The following RHOJ variants were observed in gnomAD, a reference collection of about 807,000 sequenced individuals.
RHOJ encodes the protein rho-related GTP-binding protein RhoJ.
A neutral mutation model predicts 23.4 loss-of-function variants in RHOJ; 11 were observed. The observed-to-expected ratio is 0.47, with a 90% CI of 0.30 to 0.78. RHOJ has a LOEUF of 0.78. Among genes scored for constraint, RHOJ ranks in the 30% least tolerant of loss-of-function variants. RHOJ has a pLI of 0.08. For missense variants in RHOJ, 254 were observed against 273.4 expected, an observed-to-expected ratio of 0.93 and a Z score of 0.50; for synonymous variants, 102 against 102.7, an observed-to-expected ratio of 0.99 and a Z score of 0.04.
chr14:63,220,785 T>G (rs530670557), intron 1 of RHOJ, among the ~76,000 whole-genome samples: 1 of 152,316 alleles, frequency 6.6e-6, no homozygotes, highest in South Asian at 2.1e-4. Flanking sequence ...AAGATCAAAG[T>G]GTTCCCTGGA....
intron 1 of RHOJ, among the ~76,000 whole-genome samples, chr14:63,234,914 G>C (rs184870484): frequency 3.3e-5 from 5 of 152,142 alleles, no homozygotes; most frequent in Non-Finnish European, 5.9e-5. Flanking sequence ...ATGGTGCCCC[G>C]TTAAAGAAAT....
At chr14:63,219,122 A>G (rs910856243) in intron 1 of RHOJ, among the ~76,000 whole-genome samples, 7 of 152,182 alleles carry the variant, frequency 4.6e-5, no homozygotes, top group Non-Finnish European at 1.0e-4. Flanking sequence ...GTTCCCTGTG[A>G]AATGAGGAAG....
intron 1 of RHOJ, among the ~76,000 whole-genome samples, chr14:63,225,043 T>C (rs2031231): frequency 0.83 from 125,716 of 150,844 alleles, 53,378 homozygotes; most frequent in Middle Eastern, 0.96. Context: ...AGCTCCGCCT[T>C]CCGGTTCACG....
chr14:63,233,497 T>C (rs1011611054), intron 1 of RHOJ, among the ~76,000 whole-genome samples: 8 of 152,222 alleles, frequency 5.3e-5, no homozygotes, highest in Admixed American at 3.3e-4. Context: ...AAGACAGTAA[T>C]ATGATGCCTT....
At chr14:63,234,583 G>T (rs1422712613) in intron 1 of RHOJ, among the ~76,000 whole-genome samples, 1 of 152,152 alleles carries the variant, frequency 6.6e-6, no homozygotes, top group African/African-American at 2.4e-5. Flanking sequence ...TTTTGTGGTT[G>T]TTCAGATCTA....
intron 1 of RHOJ, among the ~76,000 whole-genome samples, chr14:63,239,009 A>G (rs1029177567): frequency 6.6e-6 from 1 of 152,220 alleles, no homozygotes; most frequent in Non-Finnish European, 1.5e-5. Context: ...TAGGCTGGAA[A>G]GTGGGGGCCC....
chr14:63,266,986 CT>C (rs1340941111), intron 1 of RHOJ, among the ~76,000 whole-genome samples: 18 of 152,330 alleles, frequency 1.2e-4, no homozygotes, highest in African/African-American at 4.3e-4. Context: ...CACACTACCC[CT>C]GACACAGCTC....
At chr14:63,252,642 A>ACTAT (rs1895092426) in intron 1 of RHOJ, among the ~76,000 whole-genome samples, 1 of 152,090 alleles carries the variant, frequency 6.6e-6, no homozygotes, top group African/African-American at 2.4e-5. Flanking sequence ...AGAATTTACT[A>ACTAT]CTATCTTTGT....
At chr14:63,230,604 T>A (rs1248053037) in intron 1 of RHOJ, among the ~76,000 whole-genome samples, 1 of 152,038 alleles carries the variant, frequency 6.6e-6, no homozygotes, top group Non-Finnish European at 1.5e-5. Flanking sequence ...TCCCTAATCA[T>A]GCTGTATAAA....
At chr14:63,271,641 C>A (rs1895471849) in intron 2 of RHOJ, among the ~76,000 whole-genome samples, 1 of 152,228 alleles carries the variant, frequency 6.6e-6, no homozygotes, top group Admixed American at 6.5e-5. Context: ...ATCACCCAGG[C>A]TAGAGCGCAG....
At chr14:63,232,080 ATGAT>A (rs1213485542) in intron 1 of RHOJ, among the ~76,000 whole-genome samples, 1 of 152,174 alleles carries the variant, frequency 6.6e-6, no homozygotes, top group Non-Finnish European at 1.5e-5. Flanking sequence ...GAGGCAGGGA[ATGAT>A]GCGACATGAC....
At chr14:63,243,028 T>C (rs1211661432) in intron 1 of RHOJ, among the ~76,000 whole-genome samples, 1 of 152,196 alleles carries the variant, frequency 6.6e-6, no homozygotes, top group East Asian at 1.9e-4. Context: ...CAATGCATAT[T>C]GTAGGCATAG....
At chr14:63,257,663 C>T (rs1895194933) in intron 1 of RHOJ, among the ~76,000 whole-genome samples, 1 of 149,544 alleles carries the variant, frequency 6.7e-6, no homozygotes, top group African/African-American at 2.5e-5. Context: ...ATTCCTTCCC[C>T]ACCCACCCCA....
intron 1 of RHOJ, among the ~76,000 whole-genome samples, chr14:63,239,446 A>G (rs1894847224): frequency 6.6e-6 from 1 of 152,212 alleles, no homozygotes; most frequent in South Asian, 2.1e-4. Context: ...TGAAATGAGC[A>G]TTCAGACAAC....
chr14:63,237,094 T>A (rs1894804069), intron 1 of RHOJ, among the ~76,000 whole-genome samples: 1 of 152,184 alleles, frequency 6.6e-6, no homozygotes, highest in Admixed American at 6.5e-5. Flanking sequence ...AATCCATGGA[T>A]GCAGAACCCA....
chr14:63,287,304 G>C lies in RHOJ; in HGVS notation c.499-3574G>C, dbSNP rs558750206. On this transcript the variant is annotated intron_variant, in intron 4 of 4. Transcript: ENST00000316754. Reference sequence around the variant, plus strand: ...TCTTAGTTGTGTGGCCATAAGGGAGGTTACTTAGCCTCTCTGGGTATCAGT... The same window carrying C: ...TCTTAGTTGTGTGGCCATAAGGGAGCTTACTTAGCCTCTCTGGGTATCAGT... Among the ~76,000 whole-genome samples the C allele has an allele frequency of 1.2e-4, 18 of 152,314 alleles. 1 individual carries two copies. The South Asian group carries it at 3.5e-3, about 30-fold the overall frequency.
rs1039897347 is a variant in RHOJ at position 63,204,990 on chromosome 14, T to C, written c.121T>C (p.Tyr41His). The C allele has an allele frequency of 1.2e-6, 2 of 1,614,186 alleles. No individual in the cohort carries two copies. Among genetic ancestry groups the C allele is most frequent in the South Asian group, 1.1e-5 (1 of 91,082 alleles). The change falls in exon 1 of 5, where the codon TAC (tyrosine) becomes CAC (histidine). Residue 41 changes from tyrosine to histidine, a missense_variant. Coordinates refer to ENST00000316754, the MANE Select transcript of RHOJ (RefSeq NM_020663.5). ...AVGKTCLLMS[Y>H]ANDAFPEEYV... Reference sequence around the variant, plus strand: ...GGGGAAAACCTGCCTGCTGATGAGCTACGCCAACGACGCCTTCCCAGAGGA... The same window carrying C: ...GGGGAAAACCTGCCTGCTGATGAGCCACGCCAACGACGCCTTCCCAGAGGA...
At chr14:63,234,161 G>C (rs991590742) in intron 1 of RHOJ, among the ~76,000 whole-genome samples, 4 of 152,142 alleles carry the variant, frequency 2.6e-5, no homozygotes, top group African/African-American at 9.7e-5. Context: ...TATTTCCCCA[G>C]ATGTTCTACT....
chr14:63,254,380 G>A (rs961470896), intron 1 of RHOJ, among the ~76,000 whole-genome samples: 4 of 152,132 alleles, frequency 2.6e-5, no homozygotes, highest in African/African-American at 9.7e-5. Flanking sequence ...ATGCTCCTGA[G>A]ATCCCTAGCA....
Sources: gnomAD v4.1 joint callset for allele counts (sites outside exome capture counted in the v4.1 genomes callset) on GRCh38, gnomAD v4.1.1 for gene constraint, MANE v1.5 for transcripts, NCBI Gene and HGNC (gene_info 2026-07-23, HGNC 2026-07-21) for gene names.